ARSK: variants seen among roughly 807,000 people sequenced by gnomAD.
ARSK encodes arylsulfatase K.
ARSK carries 37 observed loss-of-function variants against 53.2 expected under a neutral mutation model. The observed-to-expected ratio is 0.70, with a 90% CI of 0.54 to 0.92. ARSK has a LOEUF of 0.92. Ranked by LOEUF, ARSK falls within the 40% of genes least tolerant of loss-of-function variation. The pLI is 0.00. For synonymous variants in ARSK, 208 were observed against 223.2 expected (o/e 0.93, Z 0.61); for missense variants, 613 against 643.0 (o/e 0.95, Z 0.51).
At chr5:95,564,427 C>G (rs1561360612) in intron 1 of ARSK, among the ~76,000 whole-genome samples, 1 of 152,192 alleles carries the variant, frequency 6.6e-6, no homozygotes, top group Non-Finnish European at 1.5e-5. Flanking sequence ...AAAGAACTGA[C>G]TTTAATCCCA....
intron 3 of ARSK, among the ~76,000 whole-genome samples, 177 bp from the exon 4 acceptor site, chr5:95,582,739 T>C (rs1749038605): frequency 6.6e-6 from 1 of 152,230 alleles, no homozygotes; most frequent in Non-Finnish European, 1.5e-5. Flanking sequence ...TTTTTCTATT[T>C]TATTTTAATT....
intron 5 of ARSK, among the ~76,000 whole-genome samples, chr5:95,589,465 TC>T (rs1314956909): frequency 6.6e-6 from 1 of 152,162 alleles, no homozygotes; most frequent in Non-Finnish European, 1.5e-5. Context: ...TGTGTATTGT[TC>T]CCCTCCCCGT....
chr5:95,579,175 A>G (rs1748979221), intron 3 of ARSK, among the ~76,000 whole-genome samples: 1 of 152,204 alleles, frequency 6.6e-6, no homozygotes. Flanking sequence ...TAAACTGTGC[A>G]TCTCAAACCT....
chr5:95,581,029 AC>A, intron 3 of ARSK: 2 of 736,554 alleles, frequency 2.7e-6, no homozygotes, highest in Non-Finnish European at 2.0e-6. Context: ...CTACTTAAGT[AC>A]CAGCAATTAT....
intron 1 of ARSK, among the ~76,000 whole-genome samples, chr5:95,561,034 C>T (rs995303729): frequency 2.0e-5 from 3 of 152,174 alleles, no homozygotes; most frequent in Admixed American, 2.0e-4. Flanking sequence ...TGGTCTCGAT[C>T]TCCTGACCTT....
At chr5:95,583,748 CTCA>C (rs1167364710) in intron 4 of ARSK, among the ~76,000 whole-genome samples, 1 of 152,186 alleles carries the variant, frequency 6.6e-6, no homozygotes, top group Non-Finnish European at 1.5e-5. Context: ...TGCTTGCCTT[CTCA>C]TCATAAAACT....
chr5:95,597,908 G>T lies in ARSK; in HGVS notation c.1097-2939G>T, dbSNP rs553528148. Among the ~76,000 whole-genome samples, 293 of 149,532 alleles carry T rather than the reference G, an allele frequency of 2.0e-3. 6 individuals carry two copies. The highest frequency in any genetic ancestry group is 0.019 in the South Asian group (89 of 4,632). ...TACTCTGCCTCAAAAAAAAAAAGTG[G>T]GGGGCGGGTAATAGTGGCTATTTCA... On this transcript the variant is annotated intron_variant, in intron 6 of 7. Transcript: ENST00000380009.
intron 4 of ARSK, among the ~76,000 whole-genome samples, 184 bp downstream of exon 4, chr5:95,583,382 A>G (rs567611871): frequency 6.6e-6 from 1 of 152,342 alleles, no homozygotes; most frequent in South Asian, 2.1e-4. Context: ...GTTAAAAGTC[A>G]GAAGCCTGCT....
intron 3 of ARSK, among the ~76,000 whole-genome samples, chr5:95,579,468 G>A (rs114913319): frequency 0.06 from 9,109 of 152,224 alleles, 333 homozygotes; most frequent in East Asian, 0.11. Context: ...GATCTCAGGA[G>A]ACTTATTCAC....
At chr5:95,594,856 A>G (rs1580230539) in intron 6 of ARSK, among the ~76,000 whole-genome samples, 1 of 152,060 alleles carries the variant, frequency 6.6e-6, no homozygotes, top group Non-Finnish European at 1.5e-5. Flanking sequence ...AAAAAAAAAA[A>G]AGAAAGAAAT....
chr5:95,571,324 G>A (rs1748827991), intron 3 of ARSK, among the ~76,000 whole-genome samples: 1 of 152,180 alleles, frequency 6.6e-6, no homozygotes, highest in Non-Finnish European at 1.5e-5. Flanking sequence ...TCCATGCAGA[G>A]CAAAGACCTT....
At chr5:95,601,388 T>C (rs1308518342) in intron 7 of ARSK, among the ~76,000 whole-genome samples, 1 of 152,250 alleles carries the variant, frequency 6.6e-6, no homozygotes, top group Non-Finnish European at 1.5e-5. Context: ...CTCATTGTTC[T>C]GAAGGATTAA....
chr5:95,566,734 A>G (rs1748732278), intron 2 of ARSK, among the ~76,000 whole-genome samples: 1 of 152,192 alleles, frequency 6.6e-6, no homozygotes, highest in South Asian at 2.1e-4. Context: ...TGCCATTTTT[A>G]TAAATTCTAT....
At chr5:95,557,223 A>G (rs973210522) in intron 1 of ARSK, among the ~76,000 whole-genome samples, 2 of 152,078 alleles carry the variant, frequency 1.3e-5, no homozygotes, top group African/African-American at 4.8e-5. Context: ...TTCCTGTCCC[A>G]TCTTGTATTT....
At chr5:95,570,236 C>T (rs535676357) in intron 3 of ARSK, among the ~76,000 whole-genome samples, 4 of 152,318 alleles carry the variant, frequency 2.6e-5, no homozygotes, top group Admixed American at 2.6e-4. Context: ...TAGCCCCTGT[C>T]TACCTCCAGT....
At chr5:95,574,136 A>G (rs138548309) in intron 3 of ARSK, among the ~76,000 whole-genome samples, 5,729 of 152,242 alleles carry the variant, frequency 0.038, 170 homozygotes, top group Non-Finnish European at 0.055. Context: ...ACTTAACATA[A>G]TGACCTCCAG....
chr5:95,579,923 A>T (rs1022365544), intron 3 of ARSK, among the ~76,000 whole-genome samples: 1 of 152,200 alleles, frequency 6.6e-6, no homozygotes, highest in African/African-American at 2.4e-5. Context: ...GTGTAATGAG[A>T]GAATGAGAAT....
chr5:95,590,602 G>A (rs547463252), intron 5 of ARSK, among the ~76,000 whole-genome samples: 1 of 152,258 alleles, frequency 6.6e-6, no homozygotes, highest in East Asian at 1.9e-4. Flanking sequence ...ACTCCATAGA[G>A]CAGTGAATGT....
At chr5:95,573,683 T>G (rs1748872736) in intron 3 of ARSK, among the ~76,000 whole-genome samples, 1 of 152,222 alleles carries the variant, frequency 6.6e-6, no homozygotes, top group South Asian at 2.1e-4. Context: ...TGTTGTCTGC[T>G]CATGTAGGTT....
Sources: gnomAD v4.1 joint callset for allele counts (sites outside exome capture counted in the v4.1 genomes callset) on GRCh38, gnomAD v4.1.1 for gene constraint, MANE v1.5 for transcripts, NCBI Gene and HGNC (gene_info 2026-07-23, HGNC 2026-07-21) for gene names.